Variants in ATP8B1 observed in about 807,000 individuals in gnomAD.
ATP8B1 encodes the protein ATPase phospholipid transporting 8B1, also known as phospholipid-transporting ATPase IC.
In ATP8B1, 80 loss-of-function variants were observed where a neutral mutation model predicts 149.9. The ratio of observed to expected loss-of-function variants is 0.53; its 90% CI spans 0.45 to 0.64. The LOEUF (loss-of-function observed/expected upper bound fraction) is 0.64. Among genes scored for constraint, ATP8B1 ranks in the 30% least tolerant of loss-of-function variants. The probability of loss-of-function intolerance (pLI) is 0.00; values close to 1 mark genes in which losing one functional copy is unlikely to be tolerated. For missense variants in ATP8B1, 1,247 were observed against 1,552.6 expected (o/e 0.80, Z 3.31); for synonymous variants, 536 against 562.8 (o/e 0.95, Z 0.67).
At chr18:57,791,516 G>A (rs1307370035) in intron 1 of ATP8B1, among the ~76,000 whole-genome samples, 2 of 151,648 alleles carry the variant, frequency 1.3e-5, no homozygotes, top group Non-Finnish European at 2.9e-5. Flanking sequence ...GCACCTTTTT[G>A]TATTTTTAGT....
At chr18:57,670,924 G>A (rs986679143) in intron 17 of ATP8B1, among the ~76,000 whole-genome samples, 18 of 152,056 alleles carry the variant, frequency 1.2e-4, no homozygotes, top group Non-Finnish European at 2.4e-4. Context: ...GGCCAGGCTG[G>A]TCTTGAACTC....
intron 2 of ATP8B1, among the ~76,000 whole-genome samples, chr18:57,729,500 A>G (rs1167502817): frequency 6.6e-6 from 1 of 151,706 alleles, no homozygotes; most frequent in Non-Finnish European, 1.5e-5. Context: ...CTGTTATGAC[A>G]GAGGCCACCT....
intron 21 of ATP8B1, 78 bp from the exon 22 acceptor site, chr18:57,661,540 G>T: frequency 6.8e-7 from 1 of 1,468,122 alleles, no homozygotes; most frequent in Non-Finnish European, 9.3e-7. Context: ...TTTAAATTAT[G>T]TGAAGGATAA....
At chr18:57,697,479 G>T in intron 8 of ATP8B1, 139 bp downstream of exon 8, 1 of 889,210 alleles carries the variant, frequency 1.1e-6, no homozygotes, top group Non-Finnish European at 1.9e-6. Context: ...AGGCGCAAAG[G>T]TGAGATCAGT....
At chr18:57,699,842 C>T (rs956306458) in intron 6 of ATP8B1, among the ~76,000 whole-genome samples, 4 of 152,164 alleles carry the variant, frequency 2.6e-5, no homozygotes, top group Admixed American at 6.5e-5. Flanking sequence ...CGTGAGCCAC[C>T]GTGCCTGGCC....
intron 2 of ATP8B1, among the ~76,000 whole-genome samples, chr18:57,709,793 T>C (rs559925201): frequency 6.6e-6 from 1 of 151,662 alleles, no homozygotes; most frequent in Admixed American, 6.6e-5. Flanking sequence ...AGTTCTCCTA[T>C]CTCAGCCTCC....
intron 1 of ATP8B1, among the ~76,000 whole-genome samples, chr18:57,772,011 C>T (rs1424076809): frequency 6.6e-6 from 1 of 152,130 alleles, no homozygotes; most frequent in African/African-American, 2.4e-5. Flanking sequence ...GTTAACTGAA[C>T]CTATACAATA....
In ATP8B1 at chr18:57,802,469, C is replaced by G. The variant is rs1344698806; in HGVS notation, c.-26+529G>C. 1.2e-4 allele frequency among the ~76,000 whole-genome samples: 18 copies of G among 152,192 alleles called. No homozygotes were observed. On this transcript the variant is annotated intron_variant, in intron 1 of 27. Coordinates refer to ENST00000648908, the MANE Select transcript of ATP8B1 (RefSeq NM_001374385.1). This position sits in a 1 kb window ranked among gnomAD's most constrained non-coding sequence, Gnocchi z 4.9. ...CTGCCACAGGAGCTGGGGAGGAGAGCGATCTCACCCCCTCCATCCCTCCCG... is the reference window on the plus strand; with the variant it reads ...CTGCCACAGGAGCTGGGGAGGAGAGGGATCTCACCCCCTCCATCCCTCCCG...
chr18:57,715,386 A>T (rs2079574470), intron 2 of ATP8B1, among the ~76,000 whole-genome samples: 2 of 152,174 alleles, frequency 1.3e-5, no homozygotes, highest in Non-Finnish European at 2.9e-5. Context: ...ATAGACTTAA[A>T]AAAGCAAATC....
intron 1 of ATP8B1, among the ~76,000 whole-genome samples, chr18:57,756,204 T>TAC (rs1422277051): frequency 2.4e-5 from 2 of 84,450 alleles, no homozygotes; most frequent in African/African-American, 1.0e-4. Flanking sequence ...TATATATATA[T>TAC]ATATATACAC....
intron 25 of ATP8B1, 150 bp from the exon 26 acceptor site, chr18:57,652,322 A>G: frequency 6.9e-7 from 1 of 1,454,638 alleles, no homozygotes; most frequent in East Asian, 2.4e-5. Context: ...TGACTCAGGC[A>G]AGAAATAGAA....
chr18:57,701,299 G>A lies in ATP8B1; in HGVS notation c.408C>T (p.Ile136=), dbSNP rs776007213. ...GTGTGGTGTACCAAGCCAGGGTAGA[G>A]ATTTGAGGAACTGCCTAAAAGAATA... ...ALLILQAVPQ[I]STLAWYTTLV... Residue 136 remains isoleucine, a synonymous_variant, in exon 5 of 28, where the codon ATC becomes ATT. Transcript: ENST00000648908. 1 of 1,614,114 alleles carries A rather than the reference G, an allele frequency of 6.2e-7. No homozygotes were observed. Among genetic ancestry groups the A allele is most frequent in the Non-Finnish European group, 8.5e-7 (1 of 1,179,946 alleles).
chr18:57,655,689 G>A (rs1909952532), intron 22 of ATP8B1, among the ~76,000 whole-genome samples: 1 of 152,160 alleles, frequency 6.6e-6, no homozygotes. Context: ...TGGATTATCT[G>A]CCAAGATCAC....
intron 19 of ATP8B1, chr18:57,668,182 T>C (rs1023235207): frequency 1.4e-6 from 2 of 1,419,142 alleles, no homozygotes; most frequent in Non-Finnish European, 1.9e-6. Context: ...ATAAGACCAA[T>C]TATAATCAGC....
rs2123132919 is a variant in ATP8B1 at position 57,731,369 on chromosome 18, A to C, written c.181+258T>G. On this transcript the variant is annotated intron_variant, in intron 2 of 27. Transcript: ENST00000648908. The stretch of plus-strand genomic sequence containing the variant: ...TATATATATATATATATATATATAT[A>C]TATATACACACACTAACAAAGACCT... The C allele has an allele frequency of 1.2e-5, 2 of 161,992 alleles. 1 individual carries two copies. Among genetic ancestry groups the C allele is most frequent in the Non-Finnish European group, 2.2e-5 (2 of 89,380 alleles). The allele number at this position is 161,992 out of a possible 1,614,324, so 10.0% of individuals were successfully genotyped here. A position where few individuals can be genotyped will look rare whatever the true frequency, so the allele number is the denominator to read the frequency against.
rs1172947030 is a variant in ATP8B1 at position 57,729,835 on chromosome 18, G to A, written c.181+1792C>T. Among the ~76,000 whole-genome samples, 22 of 94,240 alleles carry A rather than the reference G, an allele frequency of 2.3e-4. No homozygotes were observed. In the Admixed American group the frequency reaches 2.9e-3, roughly 13 times the overall value. The allele number at this position is 94,240 out of a possible 152,430, so 61.8% of individuals were successfully genotyped here. ...CAAAGTGCTGGGATTGCAGGCGTGAGCCACTGTGCCCGGCAGGGAATTTCA... is the reference window on the plus strand; with the variant it reads ...CAAAGTGCTGGGATTGCAGGCGTGAACCACTGTGCCCGGCAGGGAATTTCA... On this transcript the variant is annotated intron_variant, in intron 2 of 27. Coordinates refer to ENST00000648908, the MANE Select transcript of ATP8B1 (RefSeq NM_001374385.1).
chr18:57,668,089 C>T, intron 19 of ATP8B1: 2 of 1,317,534 alleles, frequency 1.5e-6, no homozygotes, highest in South Asian at 1.2e-5. Flanking sequence ...TACTCTGTGC[C>T]CACCAAATGT....
At position 57,794,792 on chromosome 18, in the gene ATP8B1, A is replaced by AAAAGAAAGAAAG. The variant is rs113119274; in HGVS notation, c.-26+8194_-26+8205dup. Among the ~76,000 whole-genome samples the AAAAGAAAGAAAG allele has an allele frequency of 5.7e-3, 841 of 148,030 alleles. 7 individuals are homozygous for AAAAGAAAGAAAG. Among genetic ancestry groups the AAAAGAAAGAAAG allele is most frequent in the African/African-American group, 0.018 (715 of 39,646 alleles). ...GGCGACAGAGCGAAACTCCGCCTCA[A>AAAAGAAAGAAAG]AAAGAAAGAAAGAAAGAAAGAAAGA... On this transcript the variant is annotated intron_variant, in intron 1 of 27. Transcript: ENST00000648908.
chr18:57,761,248 T>C (rs1054433239), intron 1 of ATP8B1, among the ~76,000 whole-genome samples: 2 of 152,212 alleles, frequency 1.3e-5, no homozygotes, highest in Non-Finnish European at 2.9e-5. Context: ...GACTGTGTTG[T>C]TGTTGCTATC....
Sources: allele counts gnomAD v4.1 joint callset (sites outside exome capture counted in the v4.1 genomes callset), GRCh38; gene constraint gnomAD v4.1.1; non-coding constraint Gnocchi (gnomAD v3.1); transcripts MANE v1.5; gene names NCBI Gene and HGNC (gene_info 2026-07-23, HGNC 2026-07-21).